The following SAMD5 variants were observed in gnomAD, a reference collection of about 807,000 sequenced individuals.
The protein encoded by SAMD5 is sterile alpha motif domain-containing protein 5.
A neutral mutation model predicts 11.3 loss-of-function variants in SAMD5; 13 were observed. The observed-to-expected ratio is 1.15, with a 90% CI of 0.75 to 1.83. The LOEUF is 1.83. Among genes scored for constraint, SAMD5 ranks in the 40% most tolerant of loss-of-function variants. The pLI, the probability that SAMD5 is intolerant of heterozygous loss-of-function variation, is 0.00. For missense variants in SAMD5, 255 were observed against 239.1 expected (o/e 1.07, Z -0.44); for synonymous variants, 129 against 111.3 (o/e 1.16, Z -1.00).
chr6:147,536,076 C>T (rs866597919), intron 1 of SAMD5, among the ~76,000 whole-genome samples: 9 of 152,074 alleles, frequency 5.9e-5, no homozygotes, highest in Non-Finnish European at 1.0e-4. Context: ...CTCCACCTCC[C>T]GGGTTCACGC....
At chr6:147,790,730 C>T in the SAMD5 span, among the ~76,000 whole-genome samples, 1 of 124,706 alleles carries the variant, frequency 8.0e-6, no homozygotes, top group Admixed American at 8.1e-5. Flanking sequence ...ATGAATTGGT[C>T]GATCTCTCTC....
At chr6:147,605,109 A>G (rs984139799) in intron 1 of SAMD5, among the ~76,000 whole-genome samples, 1 of 152,034 alleles carries the variant, frequency 6.6e-6, no homozygotes, top group Non-Finnish European at 1.5e-5. Context: ...TGCTGTTTTT[A>G]GCATTTTGTT....
intron 1 of SAMD5, among the ~76,000 whole-genome samples, chr6:147,581,594 G>A (rs1300107722): frequency 1.3e-5 from 2 of 152,120 alleles, no homozygotes; most frequent in African/African-American, 4.8e-5. Context: ...GGGGAGACAA[G>A]TCCAAGATAA....
intron 1 of SAMD5, among the ~76,000 whole-genome samples, chr6:147,603,740 T>G (rs1389750937): frequency 1.6e-4 from 25 of 152,134 alleles, no homozygotes; most frequent in Non-Finnish European, 2.8e-4. Context: ...TAAATTGACA[T>G]TTGGCATATT....
the SAMD5 span, among the ~76,000 whole-genome samples, chr6:147,766,997 C>T: frequency 1.3e-5 from 2 of 152,032 alleles, no homozygotes; most frequent in African/African-American, 2.4e-5. Context: ...ACAAAATATA[C>T]ATGAGAAAGG....
chr6:147,760,024 A>G, the SAMD5 span, among the ~76,000 whole-genome samples: 1 of 152,298 alleles, frequency 6.6e-6, no homozygotes, highest in South Asian at 2.1e-4. Context: ...ACTGTGTCTA[A>G]TCTTTCTGCA....
the SAMD5 span, among the ~76,000 whole-genome samples, chr6:147,796,385 G>A: frequency 1.3e-5 from 2 of 152,002 alleles, no homozygotes; most frequent in Admixed American, 1.3e-4. Flanking sequence ...GTAGATATGT[G>A]GCATTATTTC....
chr6:147,587,398 G>A (rs993245044), intron 1 of SAMD5, among the ~76,000 whole-genome samples: 1 of 151,786 alleles, frequency 6.6e-6, no homozygotes, highest in Non-Finnish European at 1.5e-5. Flanking sequence ...CCACTGTGCC[G>A]GCTAATTTTT....
the SAMD5 span, among the ~76,000 whole-genome samples, chr6:147,780,809 C>A: frequency 6.6e-6 from 1 of 152,070 alleles, no homozygotes; most frequent in Admixed American, 6.5e-5. Context: ...GTTTTTTGAA[C>A]TTTTTAAAAC....
intron 1 of SAMD5, among the ~76,000 whole-genome samples, chr6:147,538,800 T>C (rs1157787587): frequency 6.6e-6 from 1 of 152,228 alleles, no homozygotes; most frequent in Admixed American, 6.5e-5. Context: ...TTACTAATAA[T>C]TTTTAAAACT....
chr6:147,905,072 G>A, the SAMD5 span, among the ~76,000 whole-genome samples: 3 of 151,916 alleles, frequency 2.0e-5, no homozygotes, highest in South Asian at 2.1e-4. Context: ...ATTTTTAGTC[G>A]AGACGGGGTT....
At chr6:147,623,722 T>A (rs568423902) in intron 1 of SAMD5, among the ~76,000 whole-genome samples, 5 of 152,132 alleles carry the variant, frequency 3.3e-5, no homozygotes, top group Non-Finnish European at 7.3e-5. Context: ...AACTTAAGAT[T>A]TCAAAGAGCC....
At chr6:147,648,219 A>T (rs1199387526) in intron 1 of SAMD5, among the ~76,000 whole-genome samples, 1 of 152,202 alleles carries the variant, frequency 6.6e-6, no homozygotes, top group Non-Finnish European at 1.5e-5. Context: ...AGGCCTCAGG[A>T]AACTTACAGT....
chr6:147,654,228 T>C (rs998225480), intron 1 of SAMD5, among the ~76,000 whole-genome samples: 2 of 152,206 alleles, frequency 1.3e-5, no homozygotes, highest in Non-Finnish European at 2.9e-5. Context: ...GACATTGTCA[T>C]GGTCTGTAGG....
At chr6:147,942,557 C>T in the SAMD5 span, among the ~76,000 whole-genome samples, 2 of 152,178 alleles carry the variant, frequency 1.3e-5, no homozygotes, top group African/African-American at 4.8e-5. Flanking sequence ...CTGTGAACTA[C>T]TGAAGAGGTC....
the SAMD5 span, among the ~76,000 whole-genome samples, chr6:147,878,682 T>C: frequency 1.3e-5 from 2 of 150,376 alleles, no homozygotes; most frequent in Admixed American, 6.6e-5. Context: ...TATGTAGATA[T>C]ATTATCTAGT....
At position 147,667,046 on chromosome 6, in the gene SAMD5, T is replaced by C. The variant is rs531477015; in HGVS notation, c.163-70271T>C. ...CCCTCATGAAGCCTTCTAGAGCCCT[T>C]CTGGTTGGAAATTGCCCTGCTCTCC... On this transcript the variant is annotated intron_variant, in intron 1 of 1. Coordinates refer to the SAMD5 transcript ENST00000566741. Among the ~76,000 whole-genome samples the C allele has an allele frequency of 2.2e-4, 34 of 152,260 alleles. No individual in the cohort carries two copies. In the South Asian group the frequency reaches 6.8e-3, roughly 31 times the overall value.
the SAMD5 span, among the ~76,000 whole-genome samples, chr6:147,768,500 A>C: frequency 6.6e-6 from 1 of 152,230 alleles, no homozygotes; most frequent in African/African-American, 2.4e-5. Flanking sequence ...TCCGTCTCAA[A>C]CAAAACAAAA....
the SAMD5 span, among the ~76,000 whole-genome samples, chr6:147,828,628 C>A: frequency 1.3e-5 from 2 of 152,182 alleles, no homozygotes; most frequent in African/African-American, 4.8e-5. Context: ...GGTTCTTCAG[C>A]TTTGGGACTC....
Sources: allele counts gnomAD v4.1 joint callset (sites outside exome capture counted in the v4.1 genomes callset), GRCh38; gene constraint gnomAD v4.1.1; transcripts MANE v1.5; gene names NCBI Gene and HGNC (gene_info 2026-07-23, HGNC 2026-07-21).